Variants in SKIC2 observed in about 807,000 individuals in gnomAD.
SKIC2 encodes the protein SKI2 subunit of superkiller complex, also known as superkiller complex protein 2.
chr6:31,964,989 G>T, the SKIC2 span, among the ~76,000 whole-genome samples: 2 of 152,060 alleles, frequency 1.3e-5, no homozygotes, highest in African/African-American at 4.8e-5. The surrounding 1 kb of genome is among the most constrained non-coding windows in gnomAD (Gnocchi z 5.0). Context: ...ATGGTGGCAG[G>T]TGCCTGTAGT....
the SKIC2 span, chr6:31,963,628 G>T: frequency 6.5e-7 from 1 of 1,535,032 alleles, no homozygotes. This position sits in a 1 kb window ranked among gnomAD's most constrained non-coding sequence, Gnocchi z 5.3. Flanking sequence ...ACCCCTCCCT[G>T]TGCCCCAGGT....
the SKIC2 span, chr6:31,962,686 G>T: frequency 6.2e-7 from 1 of 1,608,270 alleles, no homozygotes; most frequent in Non-Finnish European, 8.5e-7. The surrounding 1 kb of genome is among the most constrained non-coding windows in gnomAD (Gnocchi z 5.0). Context: ...AGCCACTGGG[G>T]AGTCAATCCT....
At chr6:31,960,074 C>T in the SKIC2 span, 1 of 1,613,106 alleles carries the variant, frequency 6.2e-7, no homozygotes, top group Non-Finnish European at 8.5e-7. Flanking sequence ...TTGTTTCTGT[C>T]ATCCCCAGCC....
the SKIC2 span, chr6:31,967,812 A>G: frequency 6.2e-7 from 1 of 1,612,988 alleles, no homozygotes; most frequent in Non-Finnish European, 8.5e-7. This position sits in a 1 kb window ranked among gnomAD's most constrained non-coding sequence, Gnocchi z 4.9. Context: ...GCCACTGCAG[A>G]GGTGCCCTAT....
At chr6:31,959,557 T>A in the SKIC2 span, 1 of 634,732 alleles carries the variant, frequency 1.6e-6, no homozygotes, top group Admixed American at 2.7e-5. Context: ...CCAGTGTACC[T>A]GCAGTACATG....
chr6:31,962,067 T>C, the SKIC2 span: 1 of 1,611,154 alleles, frequency 6.2e-7, no homozygotes, highest in East Asian at 2.2e-5. This position sits in a 1 kb window ranked among gnomAD's most constrained non-coding sequence, Gnocchi z 5.0. Flanking sequence ...ATGAGTTCCT[T>C]TGCCAACCTC....
chr6:31,962,555 C>G, the SKIC2 span: 1 of 1,613,864 alleles, frequency 6.2e-7, no homozygotes, highest in Non-Finnish European at 8.5e-7. This position sits in a 1 kb window ranked among gnomAD's most constrained non-coding sequence, Gnocchi z 5.0. Context: ...CCGGAGGCCT[C>G]CTGCCTCATC....
the SKIC2 span, chr6:31,962,555 C>T: frequency 4.3e-6 from 7 of 1,613,864 alleles, no homozygotes; most frequent in Admixed American, 8.3e-5. The surrounding 1 kb of genome is among the most constrained non-coding windows in gnomAD (Gnocchi z 5.0). Flanking sequence ...CCGGAGGCCT[C>T]CTGCCTCATC....
the SKIC2 span, chr6:31,963,855 CCT>C: frequency 2.7e-6 from 4 of 1,502,774 alleles, no homozygotes; most frequent in Non-Finnish European, 3.7e-6. The surrounding 1 kb of genome is among the most constrained non-coding windows in gnomAD (Gnocchi z 5.3). Flanking sequence ...CACTAGCTCA[CCT>C]CTCATTGGTT....
At chr6:31,962,595 G>C in the SKIC2 span, 5 of 1,611,740 alleles carry the variant, frequency 3.1e-6, no homozygotes, top group Admixed American at 8.3e-5. This position sits in a 1 kb window ranked among gnomAD's most constrained non-coding sequence, Gnocchi z 5.0. Context: ...GGTGAGAGAT[G>C]GACACTCAAT....
the SKIC2 span, chr6:31,967,687 CT>C: frequency 6.2e-7 from 1 of 1,611,236 alleles, no homozygotes; most frequent in Admixed American, 1.7e-5. This position sits in a 1 kb window ranked among gnomAD's most constrained non-coding sequence, Gnocchi z 4.9. Context: ...TCACACCCCC[CT>C]CTCCTGGCCT....
chr6:31,967,921 A>T, the SKIC2 span: 7 of 1,612,900 alleles, frequency 4.3e-6, no homozygotes, highest in African/African-American at 5.3e-5. The surrounding 1 kb of genome is among the most constrained non-coding windows in gnomAD (Gnocchi z 4.9). Context: ...GCCTGGGTCC[A>T]TGGCAATGTC....
chr6:31,962,815 C>T, the SKIC2 span: 2 of 1,577,296 alleles, frequency 1.3e-6, no homozygotes, highest in Non-Finnish European at 8.7e-7. The surrounding 1 kb of genome is among the most constrained non-coding windows in gnomAD (Gnocchi z 5.0). Flanking sequence ...GCCATGGGCT[C>T]CCCAGAACCC....
At chr6:31,965,575 G>C in the SKIC2 span, among the ~76,000 whole-genome samples, 3 of 152,186 alleles carry the variant, frequency 2.0e-5, no homozygotes, top group Admixed American at 6.5e-5. This position sits in a 1 kb window ranked among gnomAD's most constrained non-coding sequence, Gnocchi z 5.6. Context: ...GAAGGTAAAA[G>C]TTAAGAAATA....
the SKIC2 span, chr6:31,960,300 G>A: frequency 2.5e-6 from 4 of 1,613,442 alleles, no homozygotes; most frequent in Non-Finnish European, 3.4e-6. Flanking sequence ...CAGGCCCAAA[G>A]ACACCCAACC....
the SKIC2 span, chr6:31,963,421 A>G: frequency 6.4e-7 from 1 of 1,567,406 alleles, no homozygotes; most frequent in South Asian, 1.2e-5. This position sits in a 1 kb window ranked among gnomAD's most constrained non-coding sequence, Gnocchi z 5.3. Context: ...AGGCGGCTGA[A>G]GCGTCGTCAG....
the SKIC2 span, chr6:31,965,647 T>G: frequency 5.0e-6 from 3 of 595,640 alleles, no homozygotes; most frequent in Non-Finnish European, 9.1e-6. This position sits in a 1 kb window ranked among gnomAD's most constrained non-coding sequence, Gnocchi z 5.6. Context: ...TAGATTTGCC[T>G]GGAGAGTTCA....
chr6:31,959,746 C>A, the SKIC2 span: 1 of 551,946 alleles, frequency 1.8e-6, no homozygotes, highest in Admixed American at 3.4e-5. Flanking sequence ...TTTCTAAAAT[C>A]AGTGAGTCTC....
chr6:31,969,145 C>T, the SKIC2 span: 2 of 1,567,224 alleles, frequency 1.3e-6, no homozygotes, highest in Admixed American at 1.7e-5. The surrounding 1 kb of genome is among the most constrained non-coding windows in gnomAD (Gnocchi z 6.1). Context: ...TGACCTTCAC[C>T]TTCAGGTAGT....
Sources: gnomAD v4.1 joint callset for allele counts (sites outside exome capture counted in the v4.1 genomes callset) on GRCh38, gnomAD v4.1.1 for gene constraint, Gnocchi (gnomAD v3.1) non-coding constraint, MANE v1.5 for transcripts, NCBI Gene and HGNC (gene_info 2026-07-23, HGNC 2026-07-21) for gene names.